Variants in AR observed in about 807,000 individuals in gnomAD.
AR encodes androgen receptor.
A neutral mutation model predicts 53.9 loss-of-function variants in AR; 8 were observed. The observed-to-expected ratio is 0.15, with a 90% CI of 0.09 to 0.27. AR has a LOEUF of 0.27. Ranked by LOEUF, AR falls within the 10% of genes least tolerant of loss-of-function variation. AR has a pLI of 1.00. For synonymous variants in AR, 359 were observed against 316.4 expected (o/e 1.13, Z -1.43); for missense variants, 639 against 742.5 (o/e 0.86, Z 1.62).
chrX:67,573,164 A>G (rs1921900604), intron 1 of AR, among the ~76,000 whole-genome samples: 1 of 111,593 alleles, frequency 9.0e-6, no homozygotes, highest in Non-Finnish European at 1.9e-5. Flanking sequence ...TAACCATTCT[A>G]CAAAGCAGAA....
chrX:67,570,948 G>C (rs1176075007), intron 1 of AR, among the ~76,000 whole-genome samples: 1 of 110,383 alleles, frequency 9.1e-6, no homozygotes, highest in African/African-American at 3.3e-5. Flanking sequence ...TCATCCAGGG[G>C]CTCAGGATGG....
chrX:67,548,982 C>CCA (rs1277182858), intron 1 of AR, among the ~76,000 whole-genome samples: 1 of 111,448 alleles, frequency 9.0e-6, no homozygotes, highest in Admixed American at 9.5e-5. Context: ...CGAAGACTTT[C>CCA]CATTTCTAGG....
At chrX:67,656,829 A>G (rs1235528178) in intron 2 of AR, among the ~76,000 whole-genome samples, 1 of 109,738 alleles carries the variant, frequency 9.1e-6, no homozygotes, top group Non-Finnish European at 1.9e-5. Flanking sequence ...GGGCAGGTAT[A>G]TTGCAGCCCT....
chrX:67,664,522 C>A (rs956539965), intron 2 of AR, among the ~76,000 whole-genome samples: 63 of 111,826 alleles, frequency 5.6e-4, no homozygotes, highest in African/African-American at 2.0e-3. Flanking sequence ...GTCAGTCTGC[C>A]CCTACTTGGG....
intron 3 of AR, among the ~76,000 whole-genome samples, chrX:67,688,018 G>A (rs753117119): frequency 1.7e-3 from 190 of 112,114 alleles, no homozygotes; most frequent in African/African-American, 5.7e-3. Context: ...TAATTTGTTG[G>A]TGACAATGTT....
chrX:67,677,957 A>G (rs2075910393), intron 2 of AR, among the ~76,000 whole-genome samples: 2 of 111,831 alleles, frequency 1.8e-5, no homozygotes, highest in South Asian at 3.7e-4. Context: ...ATCTCATGTG[A>G]GAAAAGCACT....
chrX:67,727,587 C>A lies in AR; in HGVS notation c.*3746C>A, dbSNP rs1347072571. 1.2e-5 allele frequency: 2 copies of A among 172,682 alleles called. No homozygotes were observed. The highest frequency in any genetic ancestry group is 7.9e-5 in the Admixed American group (1 of 12,694). The allele number at this position is 172,682 out of a possible 1,213,427, so 14.2% of individuals were successfully genotyped here. A position where few individuals can be genotyped will look rare whatever the true frequency, so the allele number is the denominator to read the frequency against. The stretch of plus-strand genomic sequence containing the variant: ...GCACAGCACAGATGTGGCCTTTCCC[C>A]CCTTCTCTCCCTTGATATCTGGCAG... On this transcript the variant is annotated 3_prime_UTR_variant, in exon 8 of 8. Coordinates refer to ENST00000374690, the MANE Select transcript of AR (RefSeq NM_000044.6).
rs2147319424 is a variant in AR at position 67,546,117 on chromosome X, G to C, written c.971G>C (p.Ser324Thr). The C allele has an allele frequency of 8.2e-7, 1 of 1,212,250 alleles. No individual in the cohort carries two copies. The highest frequency in any genetic ancestry group is 1.1e-6 in the Non-Finnish European group (1 of 895,580). ...TACACCAAAGGGCTAGAAGGCGAGA[G>C]CCTAGGCTGCTCTGGCAGCGCTGCA... ...GGYTKGLEGESLGCSGSAAAG... is the reference protein window; with the variant it reads ...GGYTKGLEGETLGCSGSAAAG... The change falls in exon 1 of 8, where the codon AGC (serine) becomes ACC (threonine). Residue 324 changes from serine (S) to threonine (T), a missense_variant. Transcript: ENST00000374690.
rs183764385 is a variant in AR, at chrX:67,586,194, G to T, written c.1616+39432G>T. On this transcript the variant is annotated intron_variant, in intron 1 of 7. Coordinates refer to ENST00000374690, the MANE Select transcript of AR (RefSeq NM_000044.6). ...TCTATGTACCCCTCAAATCGTGGCT[G>T]GAGATGACAGCCTCTTCCACCTCCA... Among the ~76,000 whole-genome samples the T allele has an allele frequency of 3.6e-5, 4 of 111,787 alleles. No homozygotes were observed. In the East Asian group the frequency reaches 1.1e-3, roughly 32 times the overall value.
intron 1 of AR, among the ~76,000 whole-genome samples, chrX:67,623,137 A>G (rs1043849339): frequency 7.2e-5 from 8 of 111,111 alleles, no homozygotes; most frequent in South Asian, 3.8e-4. Context: ...TTAGAAGGCA[A>G]GACTTCCAGA....
Position 67,680,659 on chromosome X carries a change from C to T in AR, c.1769-5351C>T. On this transcript the variant is annotated intron_variant, in intron 2 of 7. Transcript: ENST00000374690. ...GATGACTCAACCCTTTCTTTGTTTG[C>T]ATAATGTGATGCCACTAATAGTGGG... 9.1e-6 allele frequency: 3 copies of T among 328,413 alleles called. No homozygotes were observed. The Admixed American group carries it at 9.4e-5, about 10-fold the overall frequency. The allele number at this position is 328,413 out of a possible 1,213,427, so 27.1% of individuals were successfully genotyped here.
chrX:67,654,406 A>T (rs1375434430), intron 2 of AR, among the ~76,000 whole-genome samples: 1 of 111,136 alleles, frequency 9.0e-6, no homozygotes, highest in East Asian at 2.8e-4. Context: ...TAGGGACCAG[A>T]AAGGCCATCA....
intron 1 of AR, among the ~76,000 whole-genome samples, chrX:67,580,671 G>GT (rs1490767476): frequency 9.0e-6 from 1 of 111,274 alleles, no homozygotes; most frequent in Non-Finnish European, 1.9e-5. Flanking sequence ...GACCACTCTG[G>GT]TTTTTTCTTC....
chrX:67,705,471 C>A (rs1725135141), intron 3 of AR, among the ~76,000 whole-genome samples: 1 of 111,393 alleles, frequency 9.0e-6, no homozygotes, highest in African/African-American at 3.3e-5. Flanking sequence ...TATAAGAATG[C>A]TTGTGATTTT....
intron 2 of AR, among the ~76,000 whole-genome samples, chrX:67,661,563 C>G (rs1030898541): frequency 9.0e-6 from 1 of 111,353 alleles, no homozygotes; most frequent in Non-Finnish European, 1.9e-5. Context: ...AGGGATGAAG[C>G]CCACTTGATC....
At chrX:67,658,801 G>C (rs1926714581) in intron 2 of AR, among the ~76,000 whole-genome samples, 1 of 112,058 alleles carries the variant, frequency 8.9e-6, no homozygotes, top group African/African-American at 3.2e-5. Context: ...GGAAAACTCA[G>C]GGCAGCATGG....
chrX:67,727,059 CA>C lies in AR; in HGVS notation c.*3221del, dbSNP rs908487965. Reference sequence around the variant, plus strand: ...CTGCCAGGATCACGAACTCTGTAGTCAAAGAAAAGAGTCGTGTGGCAGTTTC... The same window carrying C: ...CTGCCAGGATCACGAACTCTGTAGTCAAGAAAAGAGTCGTGTGGCAGTTTC... On this transcript the variant is annotated 3_prime_UTR_variant, in exon 8 of 8. Coordinates refer to ENST00000374690, the MANE Select transcript of AR (RefSeq NM_000044.6). 5.8e-6 allele frequency: 1 copy of C among 172,754 alleles called. No individual in the cohort carries two copies. Among genetic ancestry groups the C allele is most frequent in the African/African-American group, 2.9e-5 (1 of 34,096 alleles). The allele number at this position is 172,754 out of a possible 1,213,427, so 14.2% of individuals were successfully genotyped here.
chrX:67,697,620 T>C (rs1427634191), intron 3 of AR, among the ~76,000 whole-genome samples: 2 of 111,454 alleles, frequency 1.8e-5, no homozygotes, highest in African/African-American at 6.5e-5. Flanking sequence ...AGTCAGAACC[T>C]GCCCATTAGC....
At chrX:67,569,726 C>T (rs1483715482) in intron 1 of AR, among the ~76,000 whole-genome samples, 1 of 111,238 alleles carries the variant, frequency 9.0e-6, no homozygotes. Context: ...GTCTGTATTA[C>T]AGCTGTTTAT....
Sources: gnomAD v4.1 joint callset for allele counts (sites outside exome capture counted in the v4.1 genomes callset) on GRCh38, gnomAD v4.1.1 for gene constraint, MANE v1.5 for transcripts, NCBI Gene and HGNC (gene_info 2026-07-23, HGNC 2026-07-21) for gene names.